Variants in CRB1 observed in about 807,000 individuals in gnomAD.
CRB1 encodes protein crumbs homolog 1.
A neutral mutation model predicts 120.0 loss-of-function variants in CRB1; 83 were observed. The ratio of observed to expected loss-of-function variants is 0.69; its 90% CI spans 0.58 to 0.83. The LOEUF (loss-of-function observed/expected upper bound fraction) is 0.83, where lower values mean the gene tolerates loss of function less well. Ranked by LOEUF, CRB1 falls within the 40% of genes least tolerant of loss-of-function variation. The pLI, the probability that CRB1 is intolerant of heterozygous loss-of-function variation, is 0.00. For synonymous variants in CRB1, 625 were observed against 612.5 expected, an observed-to-expected ratio of 1.02 and a Z score of -0.30; for missense variants, 1,699 against 1,687.6, an observed-to-expected ratio of 1.01 and a Z score of -0.12.
At chr1:197,289,958 A>T (rs1656071660) in intron 1 of CRB1, among the ~76,000 whole-genome samples, 1 of 151,610 alleles carries the variant, frequency 6.6e-6, no homozygotes, top group Non-Finnish European at 1.5e-5. Context: ...TTAAGTATAT[A>T]GTTGTTATAT....
the CRB1 span, among the ~76,000 whole-genome samples, chr1:197,239,835 A>G: frequency 6.7e-6 from 1 of 149,318 alleles, no homozygotes; most frequent in Admixed American, 6.7e-5. Context: ...CCCTTTGTAT[A>G]GCTTTTTGAT....
intron 1 of CRB1, among the ~76,000 whole-genome samples, chr1:197,287,318 G>C (rs1264376497): frequency 6.6e-6 from 1 of 151,806 alleles, no homozygotes; most frequent in Non-Finnish European, 1.5e-5. Flanking sequence ...GTAGCCTGCT[G>C]CCACTCCAAA....
Position 197,427,935 on chromosome 1 carries a change from C to T in CRB1, c.2610C>T (p.Asn870=), listed in dbSNP as rs1032233875. The change falls in exon 7 of 12, where the codon AAC becomes AAT. Residue 870 remains asparagine (N), a synonymous_variant. Coordinates refer to ENST00000367400, the MANE Select transcript of CRB1 (RefSeq NM_201253.3). The stretch of plus-strand genomic sequence containing the variant: ...TGGAATTCTTTCCAAATCCAACAAA[C>T]AATGCATCTCTCAATCCAGTTCTTG... ...QNLEFFPNPT[N]NASLNPVLVN... is the part of the protein sequence containing the mutation. 3.1e-6 allele frequency: 5 copies of T among 1,613,904 alleles called. No homozygotes were observed. Among genetic ancestry groups the T allele is most frequent in the African/African-American group, 1.3e-5 (1 of 74,928 alleles).
intron 5 of CRB1, among the ~76,000 whole-genome samples, chr1:197,401,231 G>A (rs1191586348): frequency 2.0e-5 from 3 of 151,726 alleles, no homozygotes; most frequent in Non-Finnish European, 2.9e-5. Context: ...AATAATTTTT[G>A]TATTTTTTGT....
chr1:197,475,013 G>A (rs138741157), intron 11 of CRB1, among the ~76,000 whole-genome samples: 1 of 152,206 alleles, frequency 6.6e-6, no homozygotes, highest in African/African-American at 2.4e-5. Context: ...ACAAAAGCAT[G>A]GCCACACAGT....
At chr1:197,427,349 ATGTG>A in intron 6 of CRB1, 101 bp from the exon 7 acceptor site, 1 of 845,344 alleles carries the variant, frequency 1.2e-6, no homozygotes, top group Admixed American at 1.9e-5. Context: ...GCTTGTGTGC[ATGTG>A]TGTGTGTGAA....
At chr1:197,400,925 T>C (rs1478929882) in intron 5 of CRB1, among the ~76,000 whole-genome samples, 3 of 152,162 alleles carry the variant, frequency 2.0e-5, no homozygotes. Flanking sequence ...ATATCTATTC[T>C]GCTTTCCTTC....
intron 5 of CRB1, among the ~76,000 whole-genome samples, chr1:197,378,567 A>C (rs1425728220): frequency 6.6e-6 from 1 of 152,200 alleles, no homozygotes; most frequent in Non-Finnish European, 1.5e-5. Flanking sequence ...GATGCCTCTA[A>C]GATGCAGCTA....
chr1:197,400,581 C>G (rs1663016850), intron 5 of CRB1, among the ~76,000 whole-genome samples: 1 of 151,828 alleles, frequency 6.6e-6, no homozygotes, highest in South Asian at 2.1e-4. Context: ...GGAACTCTTA[C>G]AAAACCTATC....
chr1:197,397,097 T>C (rs1211976114), intron 5 of CRB1, among the ~76,000 whole-genome samples: 5 of 152,076 alleles, frequency 3.3e-5, no homozygotes, highest in Non-Finnish European at 7.4e-5. Flanking sequence ...CTCAAGAATG[T>C]AAACAAACCA....
rs150360919 is a variant in CRB1, at chr1:197,326,830, T to C, written c.71-1592T>C. On this transcript the variant is annotated intron_variant, in intron 1 of 11. Transcript: ENST00000367400. ...TGAATTAGTCCATTGTTAGGCTTTC[T>C]ATGTAAGGGTACTCGTGTTTTTTTG... Among the ~76,000 whole-genome samples, 470 of 151,974 alleles carry C rather than the reference T, an allele frequency of 3.1e-3. 1 individual carries two copies. The highest frequency in any genetic ancestry group is 0.011 in the African/African-American group (449 of 41,514).
intron 5 of CRB1, among the ~76,000 whole-genome samples, chr1:197,361,663 A>G (rs181396283): frequency 5.9e-5 from 9 of 152,050 alleles, no homozygotes; most frequent in African/African-American, 1.9e-4. Flanking sequence ...ATGGCTACAG[A>G]ATCTGTAATG....
intron 5 of CRB1, among the ~76,000 whole-genome samples, chr1:197,360,847 T>G (rs1414999696): frequency 6.6e-6 from 1 of 152,244 alleles, no homozygotes; most frequent in East Asian, 1.9e-4. Context: ...CTTGCTTCAT[T>G]CACCATTTTA....
At chr1:197,293,251 A>G (rs1039236783) in intron 1 of CRB1, among the ~76,000 whole-genome samples, 4 of 152,166 alleles carry the variant, frequency 2.6e-5, no homozygotes, top group African/African-American at 9.7e-5. Context: ...AATCACAAGC[A>G]TTCTTATACA....
At chr1:197,213,333 GAAGA>G in the CRB1 span, among the ~76,000 whole-genome samples, 15 of 152,300 alleles carry the variant, frequency 9.8e-5, no homozygotes, top group South Asian at 2.1e-4. Context: ...TGATTTGCAA[GAAGA>G]AAGAGTCACA....
At chr1:197,219,812 TC>T in the CRB1 span, among the ~76,000 whole-genome samples, 1 of 152,226 alleles carries the variant, frequency 6.6e-6, no homozygotes, top group Non-Finnish European at 1.5e-5. Context: ...ACAATGATCT[TC>T]TTTTACTTCC....
chr1:197,220,550 A>G, the CRB1 span, among the ~76,000 whole-genome samples: 1 of 152,202 alleles, frequency 6.6e-6, no homozygotes. Flanking sequence ...AAAGGTAACT[A>G]TTGCGTTTGC....
At chr1:197,439,898 G>C (rs1665350333) in intron 10 of CRB1, 1 of 152,150 alleles carries the variant, frequency 6.6e-6, no homozygotes, top group African/African-American at 2.4e-5. Flanking sequence ...ACAGCGGGGA[G>C]TCTAGGGTAT....
At chr1:197,322,201 C>T (rs1176525320) in intron 1 of CRB1, among the ~76,000 whole-genome samples, 6 of 152,184 alleles carry the variant, frequency 3.9e-5, no homozygotes, top group African/African-American at 9.6e-5. Flanking sequence ...TTTACACTGG[C>T]CAGGTACGGT....
Sources: gnomAD v4.1 joint callset for allele counts (sites outside exome capture counted in the v4.1 genomes callset) on GRCh38, gnomAD v4.1.1 for gene constraint, MANE v1.5 for transcripts, NCBI Gene and HGNC (gene_info 2026-07-23, HGNC 2026-07-21) for gene names.